ECHDC1: variants seen among roughly 807,000 people sequenced by gnomAD.
ECHDC1 encodes ethylmalonyl-CoA decarboxylase.
In ECHDC1, 29 loss-of-function variants were observed where a neutral mutation model predicts 29.7. That is an observed-to-expected ratio of 0.98 (90% CI 0.73 to 1.33). ECHDC1 has a LOEUF of 1.33. Ranked by LOEUF, ECHDC1 falls within the 40% of genes most tolerant of loss-of-function variation. The pLI, the probability that ECHDC1 is intolerant of heterozygous loss-of-function variation, is 0.00. For missense variants in ECHDC1, 328 were observed against 350.0 expected (o/e 0.94, Z 0.50); for synonymous variants, 126 against 123.1 (o/e 1.02, Z -0.15).
chr6:127,291,519 G>C (rs1780182709), intron 5 of ECHDC1, among the ~76,000 whole-genome samples: 1 of 152,058 alleles, frequency 6.6e-6, no homozygotes, highest in Non-Finnish European at 1.5e-5. Context: ...TAATAAGAAA[G>C]TATAACAATA....
chr6:127,314,565 T>C (rs907533312), intron 5 of ECHDC1, among the ~76,000 whole-genome samples: 2 of 152,108 alleles, frequency 1.3e-5, no homozygotes, highest in Non-Finnish European at 2.9e-5. Flanking sequence ...TTTGCTAATA[T>C]GGATTTGCTC....
chr6:127,314,082 T>C (rs1215951199), intron 5 of ECHDC1, among the ~76,000 whole-genome samples: 3 of 152,170 alleles, frequency 2.0e-5, no homozygotes, highest in Non-Finnish European at 4.4e-5. Flanking sequence ...GATTGTGCTA[T>C]ATTTACTACC....
Position 127,290,123 on chromosome 6 carries a change from G to C in ECHDC1, c.652C>G (p.Leu218Val), listed in dbSNP as rs944873448. Residue 218 changes from leucine to valine, a missense_variant, in exon 6 of 6, where the codon CTA becomes GTA. Transcript: ENST00000454859. ...GALKLDSKNA[L>V]NIGMVEEVLQ... ...ACCTCTTCAACCATTCCTATGTTTA[G>C]AGCATTTTTTGAATCCAGTTTAAGG... The C allele has an allele frequency of 1.7e-5, 27 of 1,613,482 alleles. No homozygotes were observed. Among genetic ancestry groups the C allele is most frequent in the Non-Finnish European group, 2.2e-5 (26 of 1,179,742 alleles).
intron 3 of ECHDC1, among the ~76,000 whole-genome samples, chr6:127,319,658 G>T (rs1782679254): frequency 6.6e-6 from 1 of 152,170 alleles, no homozygotes; most frequent in Non-Finnish European, 1.5e-5. Flanking sequence ...TAAGCTGTGG[G>T]TGAGGAACCA....
chr6:127,328,593 C>T (rs749220510), intron 2 of ECHDC1, among the ~76,000 whole-genome samples: 9 of 152,178 alleles, frequency 5.9e-5, no homozygotes, highest in Non-Finnish European at 1.0e-4. Context: ...CCAAGGATGT[C>T]CTAGATCCTT....
At position 127,330,940 on chromosome 6, in the gene ECHDC1, T is replaced by C. The variant is rs773683209; in HGVS notation, c.89A>G (p.His30Arg). ...TTTCACTTCTTCCTCATAAAATCCA[T>C]GGGATGTACTATAAAGTGACAATCC... is the stretch of plus-strand genomic sequence containing the variant. ...QTGLSLYSTS[H>R]GFYEEEVKKT... Residue 30 changes from histidine to arginine, a missense_variant, in exon 2 of 6, where the codon CAT (histidine) becomes CGT (arginine). By Grantham distance (29) the His-to-Arg change is conservative. Coordinates refer to ENST00000454859, the MANE Select transcript of ECHDC1 (RefSeq NM_001002030.2). The C allele has an allele frequency of 2.5e-6, 4 of 1,614,134 alleles. No individual in the cohort carries two copies. The highest frequency in any genetic ancestry group is 2.2e-5 in the South Asian group (2 of 91,080).
intron 1 of ECHDC1, among the ~76,000 whole-genome samples, chr6:127,336,956 G>A (rs184093987): frequency 6.6e-6 from 1 of 152,262 alleles, no homozygotes; most frequent in African/African-American, 2.4e-5. Context: ...AAACAAATTG[G>A]TTAACCACAC....
chr6:127,319,113 A>G (rs1358801865), intron 3 of ECHDC1, among the ~76,000 whole-genome samples: 1 of 152,210 alleles, frequency 6.6e-6, no homozygotes, highest in Non-Finnish European at 1.5e-5. Flanking sequence ...CCTGTGTACT[A>G]TTATAATTTT....
rs1472133629 is a variant in ECHDC1 at position 127,330,932 on chromosome 6, A to C, written c.97T>G (p.Tyr33Asp). The C allele has an allele frequency of 6.2e-7, 1 of 1,614,138 alleles. No individual in the cohort carries two copies. The highest frequency in any genetic ancestry group is 8.5e-7 in the Non-Finnish European group (1 of 1,180,012). Residue 33 changes from tyrosine to aspartate, a missense_variant, in exon 2 of 6, where the codon TAT (tyrosine) becomes GAT (aspartate). By Grantham distance (160) the Tyr-to-Asp change is radical (BLOSUM62 -3). Transcript: ENST00000454859. ...AGTGTTTTTTTCACTTCTTCCTCAT[A>C]AAATCCATGGGATGTACTATAAAGT... ...LSLYSTSHGF[Y>D]EEEVKKTLQQ...
At chr6:127,306,708 AGTC>A (rs1781469508) in intron 5 of ECHDC1, among the ~76,000 whole-genome samples, 1 of 152,210 alleles carries the variant, frequency 6.6e-6, no homozygotes, top group Non-Finnish European at 1.5e-5. Flanking sequence ...TAAATTACCC[AGTC>A]TCAGGTAGTT....
intron 5 of ECHDC1, among the ~76,000 whole-genome samples, chr6:127,290,924 G>A (rs573687061): frequency 7.2e-5 from 11 of 151,996 alleles, no homozygotes; most frequent in Non-Finnish European, 1.5e-4. Flanking sequence ...GTGTGCTGGG[G>A]GTGTGCTATT....
Position 127,323,898 on chromosome 6 carries a change from A to G in ECHDC1, c.363+3104T>C, listed in dbSNP as rs113215283. The stretch of plus-strand genomic sequence containing the variant: ...CTTGGAGGATTGATAAAGGAAGATG[A>G]TAGTATTTCTACTCTGTCAGGGTAA... On this transcript the variant is annotated intron_variant, in intron 3 of 5. Coordinates refer to ENST00000454859, the MANE Select transcript of ECHDC1 (RefSeq NM_001002030.2). Among the ~76,000 whole-genome samples the G allele has an allele frequency of 1.1e-4, 17 of 152,288 alleles. 1 individual carries two copies. Among genetic ancestry groups the G allele is most frequent in the African/African-American group, 4.1e-4 (17 of 41,574 alleles).
intron 5 of ECHDC1, 73 bp downstream of exon 5, chr6:127,314,737 AATATTG>A: frequency 4.7e-6 from 5 of 1,066,860 alleles, no homozygotes; most frequent in Non-Finnish European, 6.9e-6. Flanking sequence ...GAATATATAA[AATATTG>A]ATATTAAGGC....
intron 5 of ECHDC1, among the ~76,000 whole-genome samples, chr6:127,297,534 G>C (rs1399088828): frequency 6.6e-6 from 1 of 152,138 alleles, no homozygotes; most frequent in Non-Finnish European, 1.5e-5. Context: ...AAACTAAACT[G>C]CAACTACACT....
rs779609658 is a variant in ECHDC1 at position 127,289,897 on chromosome 6, A to G, written c.878T>C (p.Ile293Thr). 2 of 1,610,764 alleles carry G rather than the reference A, an allele frequency of 1.2e-6. No individual in the cohort carries two copies. Among genetic ancestry groups the G allele is most frequent in the Non-Finnish European group, 1.7e-6 (2 of 1,178,740 alleles). The change falls in exon 6 of 6, where the codon ATT (isoleucine) becomes ACT (threonine). Residue 293 changes from isoleucine to threonine, a missense_variant. Ile to Thr is a moderately conservative substitution (Grantham distance 89). Coordinates refer to ENST00000454859, the MANE Select transcript of ECHDC1 (RefSeq NM_001002030.2). The part of the protein sequence containing the change: ...VWGGPANLEA[I>T]AKKGKFNK ...TTTATTAAATTTTCCTTTCTTAGCAATAGCCTCTAAATTTGCAGGCCCACC... is the reference window on the plus strand; with the variant it reads ...TTTATTAAATTTTCCTTTCTTAGCAGTAGCCTCTAAATTTGCAGGCCCACC...
At chr6:127,317,492 A>C (rs1031069670) in intron 3 of ECHDC1, among the ~76,000 whole-genome samples, 9 of 152,154 alleles carry the variant, frequency 5.9e-5, no homozygotes, top group African/African-American at 2.2e-4. Flanking sequence ...AACAACATGA[A>C]ATTGAGCAAG....
At chr6:127,308,991 G>C (rs2114599606) in intron 5 of ECHDC1, among the ~76,000 whole-genome samples, 1 of 152,222 alleles carries the variant, frequency 6.6e-6, no homozygotes. Context: ...CATGTTCGTG[G>C]ATTGGAAGAA....
chr6:127,313,008 T>C (rs1782068657), intron 5 of ECHDC1: 1 of 152,120 alleles, frequency 6.6e-6, no homozygotes, highest in South Asian at 2.1e-4. Flanking sequence ...AAGTGATCAG[T>C]GTTTACCTTG....
At chr6:127,327,557 C>G (rs962788833) in intron 2 of ECHDC1, among the ~76,000 whole-genome samples, 3 of 152,098 alleles carry the variant, frequency 2.0e-5, no homozygotes, top group East Asian at 1.9e-4. Context: ...TATAACATGA[C>G]TATGAGATCT....
Sources: gnomAD v4.1 joint callset for allele counts (sites outside exome capture counted in the v4.1 genomes callset) on GRCh38, gnomAD v4.1.1 for gene constraint, MANE v1.5 for transcripts, NCBI Gene and HGNC (gene_info 2026-07-23, HGNC 2026-07-21) for gene names.